The following RAP1GAP2 variants were observed in gnomAD, a reference collection of about 807,000 sequenced individuals.
The protein encoded by RAP1GAP2 is RAP1 GTPase activating protein 2, also known as rap1 GTPase-activating protein 2.
Under a neutral mutation model 95.0 loss-of-function variants are expected in RAP1GAP2, and 27 were observed. The ratio of observed to expected loss-of-function variants is 0.28; its 90% confidence interval spans 0.21 to 0.39. The LOEUF (loss-of-function observed/expected upper bound fraction) is 0.39. Among genes scored for constraint, RAP1GAP2 ranks in the 10% least tolerant of loss-of-function variants. The probability of loss-of-function intolerance (pLI) is 1.00; values close to 1 mark genes in which losing one functional copy is unlikely to be tolerated. For missense variants in RAP1GAP2, 771 were observed against 970.0 expected (o/e 0.79, Z 2.72); for synonymous variants, 373 against 380.9 (o/e 0.98, Z 0.24).
At chr17:2,800,628 G>C in intron 2 of RAP1GAP2, 78 bp downstream of exon 2, 2 of 1,470,936 alleles carry the variant, frequency 1.4e-6, no homozygotes, top group Non-Finnish European at 1.9e-6. Flanking sequence ...CCCCCAGGTT[G>C]TGGGAGACAC....
chr17:2,884,374 T>TG (rs60048837), intron 2 of RAP1GAP2, among the ~76,000 whole-genome samples: 5,926 of 142,604 alleles, frequency 0.042, 267 homozygotes, highest in African/African-American at 0.11. Flanking sequence ...CTTGAGTTGT[T>TG]TTTTTTTTTT....
At chr17:2,833,949 CTCT>C (rs1194109791) in intron 2 of RAP1GAP2, among the ~76,000 whole-genome samples, 1 of 152,084 alleles carries the variant, frequency 6.6e-6, no homozygotes, top group African/African-American at 2.4e-5. Flanking sequence ...ATTTCCAGCC[CTCT>C]GAGCAGCTCT....
chr17:3,034,477 G>A lies in RAP1GAP2; in HGVS notation c.*1116G>A, dbSNP rs774048583. On this transcript the variant is annotated 3_prime_UTR_variant, in exon 25 of 25. Transcript: ENST00000254695. The surrounding 1 kb of genome is among the most constrained non-coding windows in gnomAD (Gnocchi z 5.1). ...GGCACAGTGTCCCTCAGCAGCTTAC[G>A]CCCCTGGAGTCTTGGGGGGCCCAGC... 3 of 175,134 alleles carry A rather than the reference G, an allele frequency of 1.7e-5. No homozygotes were observed. Among genetic ancestry groups the A allele is most frequent in the South Asian group, 1.7e-4 (2 of 12,068 alleles). The allele number at this position is 175,134 out of a possible 1,614,324, so 10.8% of individuals were successfully genotyped here. A position where few individuals can be genotyped will look rare whatever the true frequency, so the allele number is the denominator to read the frequency against.
intron 8 of RAP1GAP2, among the ~76,000 whole-genome samples, chr17:2,970,368 C>T (rs1311911125): frequency 6.6e-6 from 1 of 151,116 alleles, no homozygotes; most frequent in African/African-American, 2.4e-5. Context: ...AAATGAATAA[C>T]CTTGTGCAGA....
chr17:2,857,256 G>C lies in RAP1GAP2; in HGVS notation c.81-48028G>C, dbSNP rs1175162912. On this transcript the variant is annotated intron_variant, in intron 2 of 24. Coordinates refer to ENST00000254695, the MANE Select transcript of RAP1GAP2 (RefSeq NM_015085.5). The surrounding 1 kb of genome is among the most constrained non-coding windows in gnomAD (Gnocchi z 4.0). ...CTTAGCCTTAAGGGTTGAAATGGTT[G>C]TGTGTGGCTTGCAGGGACCACCCAG... Among the ~76,000 whole-genome samples the C allele has an allele frequency of 6.6e-6, 1 of 152,206 alleles. No homozygotes were observed.
At chr17:3,011,609 G>GTTTTT (rs555219792) in intron 17 of RAP1GAP2, among the ~76,000 whole-genome samples, 4 of 109,684 alleles carry the variant, frequency 3.6e-5, no homozygotes, top group Non-Finnish European at 5.4e-5. Context: ...TCCTGTCAAA[G>GTTTTT]TTTTTTTTTT....
intron 2 of RAP1GAP2, 33 bp downstream of exon 2, chr17:2,800,583 G>C (rs1182814915): frequency 1.9e-6 from 3 of 1,605,932 alleles, no homozygotes; most frequent in Non-Finnish European, 2.6e-6. Flanking sequence ...GTAAAGGTCA[G>C]AGATGACGCG....
At chr17:2,778,468 C>T (rs1171014362) in intron 1 of RAP1GAP2, among the ~76,000 whole-genome samples, 1 of 152,146 alleles carries the variant, frequency 6.6e-6, no homozygotes, top group African/African-American at 2.4e-5. Context: ...GAGGTGGCCT[C>T]AGCTCCAGAG....
At chr17:2,779,892 G>A (rs997508346) in intron 1 of RAP1GAP2, among the ~76,000 whole-genome samples, 9 of 151,946 alleles carry the variant, frequency 5.9e-5, no homozygotes, top group Non-Finnish European at 1.2e-4. Context: ...GGCAGCCTTG[G>A]CGTATGGGGA....
intron 1 of RAP1GAP2, among the ~76,000 whole-genome samples, chr17:2,799,096 A>G (rs536974170): frequency 1.4e-4 from 21 of 152,318 alleles, no homozygotes; most frequent in Non-Finnish European, 2.5e-4. Flanking sequence ...GTAAAACCTA[A>G]GCGCCTGCTG....
At chr17:2,814,121 G>C (rs1401792877) in intron 2 of RAP1GAP2, among the ~76,000 whole-genome samples, 1 of 152,074 alleles carries the variant, frequency 6.6e-6, no homozygotes, top group East Asian at 1.9e-4. Flanking sequence ...AGAAGAAAAG[G>C]GGCAAAGGAC....
intron 2 of RAP1GAP2, among the ~76,000 whole-genome samples, chr17:2,856,828 C>T (rs2072158784): frequency 6.6e-6 from 1 of 152,242 alleles, no homozygotes; most frequent in African/African-American, 2.4e-5. Context: ...TCTTCTGTCG[C>T]TCCAACCATC....
chr17:2,832,991 A>C (rs772235952), intron 2 of RAP1GAP2, among the ~76,000 whole-genome samples: 12 of 151,928 alleles, frequency 7.9e-5, no homozygotes, highest in Non-Finnish European at 1.8e-4. Context: ...AACGAAAACA[A>C]AAACAAACCA....
chr17:2,942,727 T>C lies in RAP1GAP2; in HGVS notation c.166-15032T>C, dbSNP rs1203855031. Among the ~76,000 whole-genome samples, 5 of 152,226 alleles carry C rather than the reference T, an allele frequency of 3.3e-5. No individual in the cohort carries two copies. The East Asian group carries it at 5.8e-4, about 18-fold the overall frequency. On this transcript the variant is annotated intron_variant, in intron 3 of 24. Coordinates refer to ENST00000254695, the MANE Select transcript of RAP1GAP2 (RefSeq NM_015085.5). ...ACAACTCAGTGGCGTTTAGTACTTT[T>C]GTGATGTCGTACAACCATCACGTCT...
intron 3 of RAP1GAP2, among the ~76,000 whole-genome samples, chr17:2,951,577 G>T (rs138006311): frequency 5.8e-4 from 88 of 152,002 alleles, no homozygotes; most frequent in Middle Eastern, 3.4e-3. Context: ...AAATTGGCTG[G>T]GTGTGGTGGC....
rs2070503088 is a variant in RAP1GAP2 at position 2,825,404 on chromosome 17, C to T, written c.80+24854C>T. ...CAGGAAGCAAGAACATGAGTGTTCACGCTTTGACTGAGCTGTTGACAGCAC... is the reference window on the plus strand; with the variant it reads ...CAGGAAGCAAGAACATGAGTGTTCATGCTTTGACTGAGCTGTTGACAGCAC... On this transcript the variant is annotated intron_variant, in intron 2 of 24. Coordinates refer to ENST00000254695, the MANE Select transcript of RAP1GAP2 (RefSeq NM_015085.5). The surrounding 1 kb of genome is among the most constrained non-coding windows in gnomAD (Gnocchi z 4.1). 1.3e-5 allele frequency among the ~76,000 whole-genome samples: 2 copies of T among 152,106 alleles called. No individual in the cohort carries two copies. Among genetic ancestry groups the T allele is most frequent in the Admixed American group, 6.6e-5 (1 of 15,254 alleles).
chr17:2,939,003 CA>C (rs1034202896), intron 3 of RAP1GAP2, among the ~76,000 whole-genome samples: 1 of 151,908 alleles, frequency 6.6e-6, no homozygotes, highest in African/African-American at 2.4e-5. Context: ...CAAAACAAAA[CA>C]AAAAAAATGC....
At chr17:2,869,550 C>T (rs992306045) in intron 2 of RAP1GAP2, among the ~76,000 whole-genome samples, 4 of 152,136 alleles carry the variant, frequency 2.6e-5, no homozygotes, top group Non-Finnish European at 5.9e-5. Context: ...CGCCTGGTCT[C>T]TGTGAATGCT....
At chr17:2,997,198 A>C (rs1234521378) in intron 13 of RAP1GAP2, among the ~76,000 whole-genome samples, 2 of 152,056 alleles carry the variant, frequency 1.3e-5, no homozygotes, top group Non-Finnish European at 2.9e-5. Context: ...TATGGTTGGG[A>C]TCCTCCTTCC....
Sources: gnomAD v4.1 joint callset for allele counts (sites outside exome capture counted in the v4.1 genomes callset) on GRCh38, gnomAD v4.1.1 for gene constraint, Gnocchi (gnomAD v3.1) non-coding constraint, MANE v1.5 for transcripts, NCBI Gene and HGNC (gene_info 2026-07-23, HGNC 2026-07-21) for gene names.